The following SYN3 variants were observed in gnomAD, a reference collection of about 807,000 sequenced individuals.
SYN3 encodes the protein synapsin-3.
SYN3 carries 35 observed loss-of-function variants against 65.8 expected under a neutral mutation model. The ratio of observed to expected loss-of-function variants is 0.53; its 90% CI spans 0.41 to 0.70. The LOEUF (loss-of-function observed/expected upper bound fraction) is 0.70, where lower values mean the gene tolerates loss of function less well. SYN3 is among the 30% of genes least tolerant of loss of function. SYN3 has a pLI of 0.00. For synonymous variants in SYN3, 270 were observed against 292.9 expected, an observed-to-expected ratio of 0.92 and a Z score of 0.80; for missense variants, 680 against 749.0, an observed-to-expected ratio of 0.91 and a Z score of 1.08.
intron 6 of SYN3, among the ~76,000 whole-genome samples, chr22:32,625,215 A>C (rs987965185): frequency 2.0e-5 from 3 of 152,224 alleles, no homozygotes; most frequent in African/African-American, 7.2e-5. Context: ...GACGGATTTC[A>C]CTGGGACCAC....
chr22:32,710,165 C>G (rs2060940503), intron 6 of SYN3, among the ~76,000 whole-genome samples: 1 of 149,318 alleles, frequency 6.7e-6, no homozygotes, highest in Non-Finnish European at 1.5e-5. Context: ...CAGATATGCC[C>G]TGATATGGTT....
At chr22:32,799,743 G>A (rs1315406917) in intron 6 of SYN3, among the ~76,000 whole-genome samples, 2 of 152,138 alleles carry the variant, frequency 1.3e-5, no homozygotes, top group Non-Finnish European at 2.9e-5. Context: ...GTGGCCTCCA[G>A]GGCACTCTGC....
chr22:32,878,478 T>G (rs2049037628), intron 4 of SYN3, among the ~76,000 whole-genome samples: 1 of 152,192 alleles, frequency 6.6e-6, no homozygotes, highest in Non-Finnish European at 1.5e-5. Context: ...GTCCTTCATC[T>G]TATTCCTCTC....
chr22:32,655,106 A>G (rs1486906414), intron 6 of SYN3, among the ~76,000 whole-genome samples: 2 of 152,224 alleles, frequency 1.3e-5, no homozygotes, highest in South Asian at 2.1e-4. Flanking sequence ...AGGTGATGGT[A>G]TGAAGAGATG....
intron 7 of SYN3, among the ~76,000 whole-genome samples, chr22:32,587,356 T>TG (rs900393417): frequency 1.0e-4 from 15 of 143,160 alleles, no homozygotes; most frequent in Non-Finnish European, 1.5e-4. Flanking sequence ...CAGTGGGTGT[T>TG]GGGGGGGAGG....
At chr22:32,862,895 T>C (rs972016687) in intron 6 of SYN3, 2 of 152,640 alleles carry the variant, frequency 1.3e-5, no homozygotes, top group Non-Finnish European at 2.9e-5. Context: ...TGTTGCTAAA[T>C]TTCGTAGCAC....
intron 4 of SYN3, among the ~76,000 whole-genome samples, chr22:32,884,804 G>A (rs2049245256): frequency 6.6e-6 from 1 of 152,212 alleles, no homozygotes; most frequent in African/African-American, 2.4e-5. Flanking sequence ...TTGAACCAGG[G>A]AGTCGGAAGT....
At chr22:32,766,647 G>A (rs1271476500) in intron 6 of SYN3, among the ~76,000 whole-genome samples, 2 of 152,070 alleles carry the variant, frequency 1.3e-5, no homozygotes, top group Non-Finnish European at 2.9e-5. Context: ...CCCCACCTCC[G>A]TGAGCCCTTC....
intron 7 of SYN3, among the ~76,000 whole-genome samples, chr22:32,556,238 T>A: frequency 6.6e-6 from 1 of 152,234 alleles, no homozygotes; most frequent in East Asian, 1.9e-4. Context: ...ATGTTTTTAT[T>A]TCATTCCTAA....
intron 6 of SYN3, among the ~76,000 whole-genome samples, chr22:32,599,196 A>T (rs1242545178): frequency 6.6e-6 from 1 of 152,204 alleles, no homozygotes; most frequent in Non-Finnish European, 1.5e-5. Context: ...CCTGGTGGTT[A>T]TTACTTGTTA....
Position 32,697,318 on chromosome 22 carries a change from T to C in SYN3, c.712-100582A>G, listed in dbSNP as rs2060750018. ...GGAATCCAACAGACTTGTGTTTAAA[T>C]CCTGCTCTGCCATTTACTGGCTGTA... On this transcript the variant is annotated intron_variant, in intron 6 of 13. Coordinates refer to ENST00000358763, the MANE Select transcript of SYN3 (RefSeq NM_003490.4). 2.0e-5 allele frequency among the ~76,000 whole-genome samples: 3 copies of C among 152,228 alleles called. No individual in the cohort carries two copies. The South Asian group carries it at 6.2e-4, about 32-fold the overall frequency.
rs571229282 is a variant in SYN3, at chr22:32,875,460, C to G, written c.462-6335G>C. On this transcript the variant is annotated intron_variant, in intron 4 of 13. Coordinates refer to ENST00000358763, the MANE Select transcript of SYN3 (RefSeq NM_003490.4). ...CCTCCTGGTCACCCTGGGAACCCCA[C>G]ATGTTATGGGTTGAACTGTTGCCCC... Among the ~76,000 whole-genome samples the G allele has an allele frequency of 2.1e-3, 314 of 152,336 alleles. 1 individual carries two copies. Among genetic ancestry groups the G allele is most frequent in the Non-Finnish European group, 3.9e-3 (263 of 68,030 alleles).
chr22:32,616,115 C>A (rs978806467), intron 6 of SYN3, among the ~76,000 whole-genome samples: 2 of 152,158 alleles, frequency 1.3e-5, no homozygotes, highest in African/African-American at 4.8e-5. Context: ...AGCCAGGAGC[C>A]GGAGTGACAG....
Position 32,953,688 on chromosome 22 carries a change from G to A in SYN3, c.370-22207C>T, listed in dbSNP as rs150622345. ...AAGATGAGATCAGAGAGGGGATGACGGACCAGGTCACAGCAAGGGTTTAGG... is the reference window on the plus strand; with the variant it reads ...AAGATGAGATCAGAGAGGGGATGACAGACCAGGTCACAGCAAGGGTTTAGG... On this transcript the variant is annotated intron_variant, in intron 3 of 13. Coordinates refer to ENST00000358763, the MANE Select transcript of SYN3 (RefSeq NM_003490.4). 4.7e-4 allele frequency among the ~76,000 whole-genome samples: 72 copies of A among 152,000 alleles called. No individual in the cohort carries two copies. The East Asian group carries it at 0.011, about 23-fold the overall frequency.
intron 9 of SYN3, 113 bp downstream of exon 9, chr22:32,537,923 G>T: frequency 1.2e-6 from 1 of 866,810 alleles, no homozygotes; most frequent in Non-Finnish European, 1.9e-6. Flanking sequence ...TCTGTGGATG[G>T]TGAGGCACTG....
At chr22:32,683,085 C>T (rs1404464172) in intron 6 of SYN3, among the ~76,000 whole-genome samples, 6 of 152,086 alleles carry the variant, frequency 3.9e-5, no homozygotes, top group Non-Finnish European at 8.8e-5. Context: ...AGGTGTGATG[C>T]GGGTTGCAGA....
chr22:32,934,016 T>C (rs2050707845), intron 3 of SYN3, among the ~76,000 whole-genome samples: 1 of 152,162 alleles, frequency 6.6e-6, no homozygotes. Flanking sequence ...CTCATTATGC[T>C]GTGGCAAGGC....
chr22:33,009,720 C>T (rs551306704), intron 1 of SYN3, among the ~76,000 whole-genome samples: 1 of 149,272 alleles, frequency 6.7e-6, no homozygotes, highest in East Asian at 2.0e-4. Context: ...ACTGGGAATA[C>T]TTTACATATC....
chr22:32,603,504 A>G (rs1330454421), intron 6 of SYN3, among the ~76,000 whole-genome samples: 3 of 149,750 alleles, frequency 2.0e-5, no homozygotes, highest in South Asian at 2.2e-4. Flanking sequence ...TGGGCGACAG[A>G]GCGAGACTCC....
Sources: allele counts gnomAD v4.1 joint callset (sites outside exome capture counted in the v4.1 genomes callset), GRCh38; gene constraint gnomAD v4.1.1; transcripts MANE v1.5; gene names NCBI Gene and HGNC (gene_info 2026-07-23, HGNC 2026-07-21).